CUX2: variants seen among roughly 807,000 people sequenced by gnomAD.
The protein encoded by CUX2 is cut like homeobox 2, also known as homeobox protein cut-like 2.
Under a neutral mutation model 144.8 loss-of-function variants are expected in CUX2, and 40 were observed. The ratio of observed to expected loss-of-function variants is 0.28; its 90% CI spans 0.21 to 0.36. The LOEUF (loss-of-function observed/expected upper bound fraction) is 0.36. Ranked by LOEUF, CUX2 falls within the 10% of genes least tolerant of loss-of-function variation. CUX2 has a pLI of 1.00. For synonymous variants in CUX2, 827 were observed against 875.6 expected (o/e 0.94, Z 0.98); for missense variants, 1,615 against 1,994.0 (o/e 0.81, Z 3.62).
chr12:111,082,767 G>A (rs567502065), intron 1 of CUX2, among the ~76,000 whole-genome samples: 2 of 152,332 alleles, frequency 1.3e-5, no homozygotes, highest in South Asian at 2.1e-4. Flanking sequence ...GCTCAGAGGG[G>A]AAGGCATGGC....
At chr12:111,203,634 G>T (rs929619235) in intron 1 of CUX2, among the ~76,000 whole-genome samples, 1 of 151,952 alleles carries the variant, frequency 6.6e-6, no homozygotes, top group Non-Finnish European at 1.5e-5. Flanking sequence ...AGGAAGTGAA[G>T]CCCAACACGA....
At position 111,115,409 on chromosome 12, in the gene CUX2, C is replaced by T. The variant is rs563900235; in HGVS notation, c.63+81169C>T. ...CACGCCATTCTCCTTCCTCAGGCTC[C>T]GGAGTAGCTGGGACTATAGGTGCCT... On this transcript the variant is annotated intron_variant, in intron 1 of 21. Coordinates refer to ENST00000261726, the MANE Select transcript of CUX2 (RefSeq NM_015267.4). Among the ~76,000 whole-genome samples, 421 of 151,362 alleles carry T rather than the reference C, an allele frequency of 2.8e-3. 3 individuals carry two copies. Among genetic ancestry groups the T allele is most frequent in the Middle Eastern group, 0.01 (3 of 294 alleles).
chr12:111,314,682 A>G (rs1466318153), intron 16 of CUX2, among the ~76,000 whole-genome samples: 1 of 148,858 alleles, frequency 6.7e-6, no homozygotes, highest in African/African-American at 2.5e-5. Context: ...CATCTCCTCT[A>G]AAAATACAAA....
rs561930546 is a variant in CUX2, at chr12:111,138,639, A to G, written c.64-75561A>G. On this transcript the variant is annotated intron_variant, in intron 1 of 21. Coordinates refer to ENST00000261726, the MANE Select transcript of CUX2 (RefSeq NM_015267.4). The stretch of plus-strand genomic sequence containing the variant: ...TTCTTGATTGAATGCTAGGAAGGAG[A>G]GCCATAGAATCTCCAGGGGACATTG... Among the ~76,000 whole-genome samples the G allele has an allele frequency of 9.9e-5, 15 of 151,956 alleles. No individual in the cohort carries two copies. The South Asian group carries it at 2.5e-3, about 25-fold the overall frequency.
At chr12:111,206,172 C>CA (rs1421289532) in intron 1 of CUX2, among the ~76,000 whole-genome samples, 10 of 152,064 alleles carry the variant, frequency 6.6e-5, no homozygotes, top group Non-Finnish European at 1.3e-4. Context: ...CCTGTCTTTA[C>CA]AAAAAATAAA....
At chr12:111,347,214 C>T (rs745585275) in intron 21 of CUX2, among the ~76,000 whole-genome samples, 1 of 152,218 alleles carries the variant, frequency 6.6e-6, no homozygotes, top group Admixed American at 6.5e-5. Context: ...TTGGCCAGCA[C>T]AGGTCTAGAT....
intron 1 of CUX2, among the ~76,000 whole-genome samples, chr12:111,163,548 G>A (rs1877920713): frequency 1.3e-5 from 2 of 152,214 alleles, no homozygotes; most frequent in South Asian, 4.1e-4. Context: ...TGGTAAGAGA[G>A]AAGAAGGACA....
intron 16 of CUX2, among the ~76,000 whole-genome samples, chr12:111,318,810 G>A (rs76592810): frequency 0.014 from 2,152 of 151,802 alleles, 83 homozygotes; most frequent in East Asian, 0.1. Context: ...AGGTACAGGT[G>A]TGAGCCACCA....
intron 1 of CUX2, among the ~76,000 whole-genome samples, chr12:111,180,383 A>C (rs1879091414): frequency 6.6e-6 from 1 of 152,132 alleles, no homozygotes; most frequent in Non-Finnish European, 1.5e-5. Context: ...TGCTCCTCTC[A>C]GCCTGAGTCT....
At position 111,310,022 on chromosome 12, in the gene CUX2, G is replaced by C; in HGVS notation, c.1259-19G>C. 7.8e-7 allele frequency: 1 copy of C among 1,285,508 alleles called. No homozygotes were observed. The highest frequency in any genetic ancestry group is 9.8e-7 in the Non-Finnish European group (1 of 1,017,674). 79.6% of individuals were successfully genotyped at this position (1,285,508 alleles called of 1,614,324 possible). ...GTCTTCCCCGTCTGTCTGTCTGTCTGTCTGTCTGGGTGTTCTAGAGGAAGA... is the reference window on the plus strand; with the variant it reads ...GTCTTCCCCGTCTGTCTGTCTGTCTCTCTGTCTGGGTGTTCTAGAGGAAGA... On this transcript the variant is annotated intron_variant, in intron 14 of 21. Coordinates refer to ENST00000261726, the MANE Select transcript of CUX2 (RefSeq NM_015267.4). The surrounding 1 kb of genome is among the most constrained non-coding windows in gnomAD (Gnocchi z 7.9).
intron 3 of CUX2, among the ~76,000 whole-genome samples, chr12:111,236,792 C>T (rs1188377085): frequency 6.6e-6 from 1 of 152,202 alleles, no homozygotes; most frequent in East Asian, 1.9e-4. Flanking sequence ...TATCAATCTG[C>T]GTTTTAGTAT....
In CUX2 at chr12:111,047,402, C is replaced by A. The variant is rs565590185; in HGVS notation, c.63+13162C>A. On this transcript the variant is annotated intron_variant, in intron 1 of 21. Coordinates refer to ENST00000261726, the MANE Select transcript of CUX2 (RefSeq NM_015267.4). ...CCCTCCTTTCTGTGGCTGTACCAGC[C>A]ACACTCTACAGTTCGCGTTTTTACC... is the stretch of plus-strand genomic sequence containing the variant. Among the ~76,000 whole-genome samples the A allele has an allele frequency of 2.3e-4, 35 of 152,146 alleles. No individual in the cohort carries two copies. The East Asian group carries it at 6.8e-3, about 29-fold the overall frequency.
intron 1 of CUX2, among the ~76,000 whole-genome samples, chr12:111,112,576 G>A (rs956990135): frequency 7.9e-5 from 12 of 152,010 alleles, no homozygotes; most frequent in Admixed American, 2.0e-4. Context: ...GACGTGGGGG[G>A]AACTTTTGGA....
intron 4 of CUX2, among the ~76,000 whole-genome samples, chr12:111,274,759 GAGA>G (rs1884781933): frequency 6.6e-6 from 1 of 152,230 alleles, no homozygotes; most frequent in South Asian, 2.1e-4. Flanking sequence ...GCCCAGATGG[GAGA>G]AGGCTTCTGT....
At position 111,037,286 on chromosome 12, in the gene CUX2, G is replaced by T. The variant is rs1869508658; in HGVS notation, c.63+3046G>T. On this transcript the variant is annotated intron_variant, in intron 1 of 21. Coordinates refer to ENST00000261726, the MANE Select transcript of CUX2 (RefSeq NM_015267.4). The surrounding 1 kb of genome is among the most constrained non-coding windows in gnomAD (Gnocchi z 5.4). ...AGCATTAAAGTGGCCGAGGCAACAT[G>T]GGCGGCCCCGTGTCCCCAGGCCATA... 6.6e-6 allele frequency among the ~76,000 whole-genome samples: 1 copy of T among 152,242 alleles called. No homozygotes were observed. Among genetic ancestry groups the T allele is most frequent in the African/African-American group, 2.4e-5 (1 of 41,458 alleles).
chr12:111,334,505 C>T lies in CUX2; in HGVS notation c.2991C>T (p.Ser997=), dbSNP rs760584811. The change falls in exon 19 of 22, where the codon AGC becomes AGT. Residue 997 remains serine, a synonymous_variant. Transcript: ENST00000261726. ...PPPSPTEPEK[S]SQEPLSLSLE... The stretch of plus-strand genomic sequence containing the variant: ...CCAGCCCCACAGAGCCTGAGAAGAG[C>T]TCCCAGGAGCCGTTGAGCCTGTCCC... 32 of 1,613,546 alleles carry T rather than the reference C, an allele frequency of 2.0e-5. No homozygotes were observed. In the South Asian group the frequency reaches 2.9e-4, roughly 14 times the overall value.
Position 111,233,193 on chromosome 12 carries a change from C to A in CUX2, c.222+15256C>A, listed in dbSNP as rs572604918. ...GAGGTGGTCTGAGCTCCCAGGTCTG[C>A]TCCTGTGCCCTGGCCCCCAGTCTCT... On this transcript the variant is annotated intron_variant, in intron 3 of 21. Transcript: ENST00000261726. Among the ~76,000 whole-genome samples, 24 of 152,310 alleles carry A rather than the reference C, an allele frequency of 1.6e-4. No homozygotes were observed. In the South Asian group the frequency reaches 4.6e-3, roughly 29 times the overall value.
intron 1 of CUX2, among the ~76,000 whole-genome samples, chr12:111,048,821 A>G (rs1799280466): frequency 1.3e-5 from 2 of 152,054 alleles, no homozygotes; most frequent in Admixed American, 1.3e-4. Flanking sequence ...TTGAATGTCT[A>G]CCTGGGGGAC....
chr12:111,199,062 G>A (rs570243094), intron 1 of CUX2, among the ~76,000 whole-genome samples: 3 of 152,300 alleles, frequency 2.0e-5, no homozygotes, highest in African/African-American at 7.2e-5. Context: ...GGGTGGGTGC[G>A]GAGAGAGAAG....
Sources: gnomAD v4.1 joint callset for allele counts (sites outside exome capture counted in the v4.1 genomes callset) on GRCh38, gnomAD v4.1.1 for gene constraint, Gnocchi (gnomAD v3.1) non-coding constraint, MANE v1.5 for transcripts, NCBI Gene and HGNC (gene_info 2026-07-23, HGNC 2026-07-21) for gene names.